GRM8: variants seen among roughly 807,000 people sequenced by gnomAD.
GRM8 encodes metabotropic glutamate receptor 8.
In GRM8, 47 loss-of-function variants were observed where a neutral mutation model predicts 87.2. That is an observed-to-expected ratio of 0.54 (90% CI 0.43 to 0.69). The LOEUF is 0.69. GRM8 is among the 30% of genes least tolerant of loss of function. GRM8 has a pLI of 0.00. For synonymous variants in GRM8, 396 were observed against 404.5 expected (o/e 0.98, Z 0.25); for missense variants, 1,019 against 1,139.2 (o/e 0.89, Z 1.52).
intron 9 of GRM8, among the ~76,000 whole-genome samples, chr7:126,492,198 G>C (rs1808095866): frequency 6.6e-6 from 1 of 151,896 alleles, no homozygotes; most frequent in Admixed American, 6.6e-5. Flanking sequence ...CTATAGGCAT[G>C]CACCACCATG....
At chr7:126,499,458 T>C (rs1476425833) in intron 9 of GRM8, among the ~76,000 whole-genome samples, 1 of 151,690 alleles carries the variant, frequency 6.6e-6, no homozygotes, top group Non-Finnish European at 1.5e-5. Flanking sequence ...ACAATCTTAC[T>C]ACTAGGTATA....
chr7:127,149,226 G>A (rs1828715479), intron 2 of GRM8, among the ~76,000 whole-genome samples: 1 of 151,882 alleles, frequency 6.6e-6, no homozygotes, highest in Admixed American at 6.6e-5. Context: ...TATATTAATA[G>A]TAGAAAACAA....
chr7:127,156,401 G>A (rs1179906576), intron 2 of GRM8, among the ~76,000 whole-genome samples: 1 of 152,124 alleles, frequency 6.6e-6, no homozygotes, highest in East Asian at 1.9e-4. Context: ...CAAAGCTTAG[G>A]ACTTGACAAC....
rs114408070 is a variant in GRM8 at position 126,759,413 on chromosome 7, A to T, written c.1357+10452T>A. Among the ~76,000 whole-genome samples, 813 of 152,248 alleles carry T rather than the reference A, an allele frequency of 5.3e-3. 6 individuals are homozygous for T. The highest frequency in any genetic ancestry group is 0.019 in the African/African-American group (779 of 41,544). On this transcript the variant is annotated intron_variant, in intron 7 of 10. Coordinates refer to ENST00000339582, the MANE Select transcript of GRM8 (RefSeq NM_000845.3). ...CCATCAATAAAAAAAGTAATATATA[A>T]TTTTGAAGAAACAAGAAGAAATAAT...
intron 2 of GRM8, among the ~76,000 whole-genome samples, chr7:127,180,675 G>A (rs1794383852): frequency 6.6e-6 from 1 of 152,056 alleles, no homozygotes; most frequent in South Asian, 2.1e-4. Flanking sequence ...TCATACCAGG[G>A]ATGCAGGGAT....
At chr7:126,974,922 C>T (rs1054680908) in intron 3 of GRM8, among the ~76,000 whole-genome samples, 3 of 109,158 alleles carry the variant, frequency 2.7e-5, no homozygotes, top group African/African-American at 3.7e-5. Context: ...GGTGACAGAG[C>T]GAGACTCTTG....
At chr7:127,238,305 CATGTGT>C (rs1378209806) in intron 2 of GRM8, among the ~76,000 whole-genome samples, 233 of 129,124 alleles carry the variant, frequency 1.8e-3, no homozygotes, top group African/African-American at 6.6e-3. Context: ...TGTGTGTGTG[CATGTGT>C]GTGTGTGTGT....
chr7:126,704,016 C>A (rs568092695), intron 7 of GRM8, among the ~76,000 whole-genome samples: 2 of 152,242 alleles, frequency 1.3e-5, no homozygotes, highest in African/African-American at 4.8e-5. Flanking sequence ...ACCTATACTA[C>A]CAGCAAATGA....
chr7:126,923,518 A>G (rs1466267086), intron 3 of GRM8, among the ~76,000 whole-genome samples: 3 of 152,214 alleles, frequency 2.0e-5, no homozygotes, highest in Non-Finnish European at 2.9e-5. Context: ...TTGCTATAAT[A>G]AAGAAAATAA....
chr7:126,747,472 C>A (rs1470840089), intron 7 of GRM8, among the ~76,000 whole-genome samples: 3 of 151,888 alleles, frequency 2.0e-5, no homozygotes, highest in Non-Finnish European at 4.4e-5. Flanking sequence ...TAATCAAGAC[C>A]AAACAATCCA....
chr7:126,738,527 G>C (rs1814506653), intron 7 of GRM8, among the ~76,000 whole-genome samples: 1 of 146,274 alleles, frequency 6.8e-6, no homozygotes, highest in Non-Finnish European at 1.5e-5. Context: ...AGAAGAAATA[G>C]GTGTGAAGTG....
intron 7 of GRM8, among the ~76,000 whole-genome samples, chr7:126,617,041 C>T (rs1000846528): frequency 7.9e-5 from 12 of 152,272 alleles, no homozygotes; most frequent in Non-Finnish European, 1.6e-4. Context: ...CCAGCATTAT[C>T]CTGATACCAA....
At chr7:127,080,125 A>G (rs1364734959) in intron 3 of GRM8, among the ~76,000 whole-genome samples, 1 of 152,190 alleles carries the variant, frequency 6.6e-6, no homozygotes, top group East Asian at 1.9e-4. Context: ...TGGTGGGCCC[A>G]TTGTAACCAC....
At chr7:126,549,895 T>C (rs1792385943) in intron 8 of GRM8, among the ~76,000 whole-genome samples, 1 of 152,122 alleles carries the variant, frequency 6.6e-6, no homozygotes, top group African/African-American at 2.4e-5. Context: ...AAGTTCATTA[T>C]AAAACAGGAT....
intron 2 of GRM8, among the ~76,000 whole-genome samples, chr7:127,179,617 A>G (rs967670702): frequency 6.6e-6 from 1 of 152,128 alleles, no homozygotes; most frequent in African/African-American, 2.4e-5. Context: ...GAGCCTCAAT[A>G]AGTTTAAGAA....
At chr7:126,666,763 GTGTT>G (rs1409638192) in intron 7 of GRM8, among the ~76,000 whole-genome samples, 1 of 152,030 alleles carries the variant, frequency 6.6e-6, no homozygotes, top group Admixed American at 6.6e-5. Flanking sequence ...AAAATCCAAA[GTGTT>G]TGAAAACCAA....
intron 8 of GRM8, among the ~76,000 whole-genome samples, chr7:126,536,888 T>C (rs1335858972): frequency 2.6e-5 from 4 of 152,038 alleles, no homozygotes; most frequent in Non-Finnish European, 5.9e-5. Flanking sequence ...ATTGGAAACA[T>C]TAAACTTCAA....
intron 6 of GRM8, among the ~76,000 whole-genome samples, chr7:126,808,871 A>G (rs1793028725): frequency 6.6e-6 from 1 of 152,188 alleles, no homozygotes; most frequent in Admixed American, 6.5e-5. Flanking sequence ...CCTACCACAG[A>G]TAAAGCTCCT....
At chr7:126,535,271 G>C (rs538104859) in intron 8 of GRM8, among the ~76,000 whole-genome samples, 27 of 152,242 alleles carry the variant, frequency 1.8e-4, no homozygotes, top group African/African-American at 6.3e-4. Flanking sequence ...TCTCTTCTGA[G>C]GCCAGGTCAT....
Sources: allele counts gnomAD v4.1 joint callset (sites outside exome capture counted in the v4.1 genomes callset), GRCh38; gene constraint gnomAD v4.1.1; transcripts MANE v1.5; gene names NCBI Gene and HGNC (gene_info 2026-07-23, HGNC 2026-07-21).